Variants in SOD2 observed in about 807,000 individuals in gnomAD.
SOD2 encodes the protein superoxide dismutase [Mn], mitochondrial.
SOD2 carries 11 observed loss-of-function variants against 27.0 expected under a neutral mutation model. The ratio of observed to expected loss-of-function variants is 0.41; its 90% confidence interval spans 0.26 to 0.67. The LOEUF (loss-of-function observed/expected upper bound fraction) is 0.67, where lower values mean the gene tolerates loss of function less well. SOD2 is among the 30% of genes least tolerant of loss of function. The probability of loss-of-function intolerance (pLI) is 0.34; values close to 1 mark genes in which losing one functional copy is unlikely to be tolerated. For missense variants in SOD2, 250 were observed against 274.5 expected (o/e 0.91, Z 0.63); for synonymous variants, 105 against 103.0 (o/e 1.02, Z -0.12).
rs1779620592 is a variant in SOD2, at chr6:159,669,980, T to G, written c.*12513A>C. 6.6e-6 allele frequency: 1 copy of G among 152,232 alleles called. No individual in the cohort carries two copies. The highest frequency in any genetic ancestry group is 2.4e-5 in the African/African-American group (1 of 41,458). The allele number at this position is 152,232 out of a possible 1,614,324, so 9.4% of individuals were successfully genotyped here. On this transcript the variant is annotated 3_prime_UTR_variant, in exon 5 of 5. Transcript: ENST00000538183. ...TATCATCAATAGAGGTGCAGACTTTTTAAACAAATCTCTTCCCAGGAGAAT... is the reference window on the plus strand; with the variant it reads ...TATCATCAATAGAGGTGCAGACTTTGTAAACAAATCTCTTCCCAGGAGAAT...
At chr6:159,725,983 T>G (rs971506721) in intron 1 of SOD2, 2 of 152,228 alleles carry the variant, frequency 1.3e-5, no homozygotes, top group African/African-American at 4.8e-5. Context: ...AGTTCCCTAT[T>G]AACGGATATT....
intron 1 of SOD2, among the ~76,000 whole-genome samples, chr6:159,735,720 T>G (rs1332307191): frequency 6.6e-6 from 1 of 151,862 alleles, no homozygotes; most frequent in African/African-American, 2.4e-5. Flanking sequence ...CTGCACTCCA[T>G]CCTGGGCGAC....
chr6:159,739,101 T>G, intron 1 of SOD2: 1 of 1,348,844 alleles, frequency 7.4e-7, no homozygotes, highest in South Asian at 1.2e-5. Flanking sequence ...ATATTGTGAC[T>G]CTACACTGTA....
At chr6:159,698,614 G>GAA (rs144911458) in intron 1 of SOD2, among the ~76,000 whole-genome samples, 2 of 108,940 alleles carry the variant, frequency 1.8e-5, no homozygotes, top group African/African-American at 7.3e-5. Context: ...AAAACATTTA[G>GAA]AAAAAAAAAA....
rs781228112 is a variant in SOD2 at position 159,684,899 on chromosome 6, G to C, written c.478C>G (p.Gln160Glu). 1.9e-6 allele frequency: 3 copies of C among 1,612,936 alleles called. No homozygotes were observed. In the East Asian group the frequency reaches 6.7e-5, roughly 36 times the overall value. Residue 160 changes from glutamine to glutamate, a missense_variant, in exon 4 of 5, where the codon CAA becomes GAA. Physicochemically the swap from Gln to Glu is conservative, Grantham distance 29 (BLOSUM62 2). Transcript: ENST00000538183. ...TCCTGATTTGGACAAGCAGCAATTT[G>C]TAAGTGTCCCCGTTCCTTATTGAAA... ...LGFNKERGHL[Q>E]IAACPNQDPL...
intron 1 of SOD2, chr6:159,742,219 T>A (rs1779300354): frequency 7.6e-7 from 1 of 1,309,934 alleles, no homozygotes; most frequent in African/African-American, 1.5e-5. Context: ...GGATAGTTGT[T>A]TTTATTAAAG....
At chr6:159,695,516 C>A (rs866509961), upstream of SOD2, among the ~76,000 whole-genome samples, 5 of 152,056 alleles carry the variant, frequency 3.3e-5, no homozygotes, top group African/African-American at 1.2e-4. Context: ...GAACAGGCTC[C>A]GTTTTCTTTT....
intron 1 of SOD2, among the ~76,000 whole-genome samples, chr6:159,750,411 A>G (rs1344810610): frequency 6.6e-6 from 1 of 152,218 alleles, no homozygotes; most frequent in East Asian, 1.9e-4. Context: ...GCTTATGTAT[A>G]AAATTGAAAT....
Position 159,676,271 on chromosome 6 carries a change from C to T in SOD2, c.*6222G>A, listed in dbSNP as rs1289017644. ...GGTATATACCCAAAGGATTATAAAT[C>T]ATGCTGCTATAAAGACACATGCACA... On this transcript the variant is annotated 3_prime_UTR_variant, in exon 5 of 5. Coordinates refer to ENST00000538183, the MANE Select transcript of SOD2 (RefSeq NM_000636.4). The T allele has an allele frequency of 6.6e-6, 1 of 152,182 alleles. No homozygotes were observed. The highest frequency in any genetic ancestry group is 2.4e-5 in the African/African-American group (1 of 41,436). 9.4% of individuals were successfully genotyped at this position (152,182 alleles called of 1,614,324 possible).
In SOD2 at chr6:159,677,186, T is replaced by A. The variant is rs965122446; in HGVS notation, c.*5307A>T. 6.6e-6 allele frequency: 1 copy of A among 152,196 alleles called. No individual in the cohort carries two copies. The highest frequency in any genetic ancestry group is 1.5e-5 in the Non-Finnish European group (1 of 68,046). The allele number at this position is 152,196 out of a possible 1,614,324, so 9.4% of individuals were successfully genotyped here. Reference sequence around the variant, plus strand: ...CAGAGAGGCAAACTTGGAATCACCGTGACGCTGGGCATCGAGACTACTGGG... The same window carrying A: ...CAGAGAGGCAAACTTGGAATCACCGAGACGCTGGGCATCGAGACTACTGGG... On this transcript the variant is annotated 3_prime_UTR_variant, in exon 5 of 5. Transcript: ENST00000538183.
At chr6:159,695,097 T>C (rs1275052678), upstream of SOD2, among the ~76,000 whole-genome samples, 1 of 152,168 alleles carries the variant, frequency 6.6e-6, no homozygotes, top group Non-Finnish European at 1.5e-5. Context: ...CAGGAGGTAC[T>C]GCAGGTCACT....
chr6:159,708,875 A>G (rs1008659440), intron 1 of SOD2, among the ~76,000 whole-genome samples: 1 of 152,180 alleles, frequency 6.6e-6, no homozygotes, highest in African/African-American at 2.4e-5. Flanking sequence ...ATACTACAAG[A>G]CTACAGTAAC....
At chr6:159,685,099 A>G (rs1780122058) in intron 3 of SOD2, 66 bp from the exon 4 acceptor site, 1 of 1,144,016 alleles carries the variant, frequency 8.7e-7, no homozygotes, top group African/African-American at 1.6e-5. Flanking sequence ...GTAAAATGTT[A>G]TATTACATGT....
intron 1 of SOD2, chr6:159,736,272 A>G: frequency 1.2e-6 from 2 of 1,604,218 alleles, no homozygotes; most frequent in Non-Finnish European, 1.7e-6. Flanking sequence ...CAAGATGACC[A>G]ACGAAGAACC....
At chr6:159,719,176 G>A (rs561831217) in intron 1 of SOD2, among the ~76,000 whole-genome samples, 2 of 152,194 alleles carry the variant, frequency 1.3e-5, no homozygotes, top group Admixed American at 6.5e-5. Context: ...TGAGATCAGT[G>A]CCCTTATAAA....
At chr6:159,744,136 A>G (rs779307757) in intron 1 of SOD2, among the ~76,000 whole-genome samples, 1 of 152,214 alleles carries the variant, frequency 6.6e-6, no homozygotes, top group East Asian at 1.9e-4. Context: ...TGATTAGGAA[A>G]GCCATCTGAG....
chr6:159,727,414 T>C, upstream of SOD2: 1 of 729,538 alleles, frequency 1.4e-6, no homozygotes, highest in Non-Finnish European at 1.7e-6. Flanking sequence ...GCAGTGGCGC[T>C]GGCCTGCGGC....
exon 1 of SOD2, chr6:159,761,356 C>G (rs150606541): frequency 3.2e-6 from 1 of 316,544 alleles, no homozygotes; most frequent in East Asian, 9.4e-5. Flanking sequence ...TTGTTACATG[C>G]TCCTTTCACT....
chr6:159,735,164 A>G (rs1377224147), intron 1 of SOD2, among the ~76,000 whole-genome samples: 1 of 152,144 alleles, frequency 6.6e-6, no homozygotes, highest in Non-Finnish European at 1.5e-5. Flanking sequence ...TTTGTTTGAG[A>G]TGGAGTCTCT....
Sources: gnomAD v4.1 joint callset for allele counts (sites outside exome capture counted in the v4.1 genomes callset) on GRCh38, gnomAD v4.1.1 for gene constraint, MANE v1.5 for transcripts, NCBI Gene and HGNC (gene_info 2026-07-23, HGNC 2026-07-21) for gene names.